The following CMSS1 variants were observed in gnomAD, a reference collection of about 807,000 sequenced individuals.
CMSS1 encodes protein CMSS1.
In CMSS1, 33 loss-of-function variants were observed where a neutral mutation model predicts 43.5. The observed-to-expected ratio is 0.76, with a 90% CI of 0.57 to 1.01. The LOEUF is 1.01. CMSS1 is among the 50% of genes least tolerant of loss of function. The probability of loss-of-function intolerance (pLI) is 0.00; values close to 1 mark genes in which losing one functional copy is unlikely to be tolerated. For synonymous variants in CMSS1, 115 were observed against 117.2 expected, an observed-to-expected ratio of 0.98 and a Z score of 0.12; for missense variants, 313 against 326.4, an observed-to-expected ratio of 0.96 and a Z score of 0.32.
intron 1 of CMSS1, among the ~76,000 whole-genome samples, chr3:99,990,848 A>G (rs1026415525): frequency 1.1e-4 from 16 of 152,212 alleles, no homozygotes; most frequent in Non-Finnish European, 2.4e-4. Context: ...ATTTCCCTTC[A>G]TATTTTCTCC....
At chr3:99,954,792 C>T (rs775284627) in intron 1 of CMSS1, among the ~76,000 whole-genome samples, 6 of 151,718 alleles carry the variant, frequency 4.0e-5, no homozygotes, top group Non-Finnish European at 7.4e-5. Flanking sequence ...CACCACTGCA[C>T]TCCAGCCTGA....
chr3:99,901,094 A>G (rs1706420285), intron 1 of CMSS1, among the ~76,000 whole-genome samples: 1 of 152,244 alleles, frequency 6.6e-6, no homozygotes, highest in South Asian at 2.1e-4. Context: ...ATTAAACTGT[A>G]TACAACATTC....
chr3:100,142,385 C>G (rs1171748975), intron 1 of CMSS1, among the ~76,000 whole-genome samples: 11 of 152,092 alleles, frequency 7.2e-5, no homozygotes, highest in Admixed American at 7.2e-4. Flanking sequence ...GAACTCTATA[C>G]ATAGTATTTA....
chr3:100,146,927 A>G (rs1390292053), intron 1 of CMSS1, 46 bp from the exon 2 acceptor site: 7 of 1,586,470 alleles, frequency 4.4e-6, no homozygotes, highest in Non-Finnish European at 6.0e-6. Flanking sequence ...TGCACTAGCA[A>G]TGAGAGAGAG....
In CMSS1 at chr3:99,903,868, G is replaced by A. The variant is rs112234003; in HGVS notation, c.64+85825G>A. The stretch of plus-strand genomic sequence containing the variant: ...AGAAATAAGAAATAATAGAGCTGTC[G>A]TCCCCTGCTGCTTCATTTAATGGTA... On this transcript the variant is annotated intron_variant, in intron 1 of 9. Coordinates refer to ENST00000421999, the MANE Select transcript of CMSS1 (RefSeq NM_032359.4). 2.0e-3 allele frequency among the ~76,000 whole-genome samples: 297 copies of A among 152,074 alleles called. 1 individual carries two copies. Among genetic ancestry groups the A allele is most frequent in the African/African-American group, 6.5e-3 (271 of 41,478 alleles).
chr3:99,905,539 G>A lies in CMSS1; in HGVS notation c.64+87496G>A, dbSNP rs943192126. ...TAATCATTATTTCTCCATTTTTCTC[G>A]TTTATTGAGGTATAATTTATTTTTA... On this transcript the variant is annotated intron_variant, in intron 1 of 9. Coordinates refer to ENST00000421999, the MANE Select transcript of CMSS1 (RefSeq NM_032359.4). 3.3e-5 allele frequency among the ~76,000 whole-genome samples: 5 copies of A among 151,954 alleles called. 1 individual carries two copies. Among genetic ancestry groups the A allele is most frequent in the African/African-American group, 9.7e-5 (4 of 41,354 alleles).
intron 9 of CMSS1, among the ~76,000 whole-genome samples, chr3:100,177,828 A>G (rs1343156957): frequency 6.6e-6 from 1 of 152,146 alleles, no homozygotes. Flanking sequence ...CAAAACAATA[A>G]TAATAATAGG....
intron 1 of CMSS1, among the ~76,000 whole-genome samples, chr3:100,022,520 A>G (rs1287927706): frequency 6.6e-6 from 1 of 152,186 alleles, no homozygotes; most frequent in Non-Finnish European, 1.5e-5. Flanking sequence ...CATATATCTT[A>G]TATTGGACCT....
At chr3:100,000,239 G>A (rs904826058) in intron 1 of CMSS1, among the ~76,000 whole-genome samples, 2 of 152,064 alleles carry the variant, frequency 1.3e-5, no homozygotes, top group Admixed American at 6.5e-5. Flanking sequence ...AATATTGTCC[G>A]GTGACCTTGC....
At chr3:99,919,181 ATACTT>A (rs200851359) in intron 1 of CMSS1, among the ~76,000 whole-genome samples, 1 of 152,084 alleles carries the variant, frequency 6.6e-6, no homozygotes, top group African/African-American at 2.4e-5. Flanking sequence ...CTCTAGTAAA[ATACTT>A]TAGTTTAATG....
chr3:100,068,237 G>A (rs142456980), intron 1 of CMSS1, among the ~76,000 whole-genome samples: 231 of 152,260 alleles, frequency 1.5e-3, no homozygotes, highest in Non-Finnish European at 2.7e-3. Flanking sequence ...GAATTAGGAC[G>A]TGCACTTGCA....
chr3:100,062,787 G>T (rs930456321), intron 1 of CMSS1, among the ~76,000 whole-genome samples: 2 of 152,100 alleles, frequency 1.3e-5, no homozygotes, highest in African/African-American at 4.8e-5. Context: ...CTCAGCATTC[G>T]CCCTACACCT....
chr3:99,890,521 C>G (rs1363889584), intron 1 of CMSS1, among the ~76,000 whole-genome samples: 3 of 152,056 alleles, frequency 2.0e-5, no homozygotes, highest in Non-Finnish European at 4.4e-5. Flanking sequence ...ATCTTCACAT[C>G]CCTTAACTAC....
intron 1 of CMSS1, among the ~76,000 whole-genome samples, chr3:100,053,504 C>G (rs1027945478): frequency 6.6e-6 from 1 of 152,198 alleles, no homozygotes; most frequent in Non-Finnish European, 1.5e-5. Context: ...CATGAGGACA[C>G]CAGTCACTGG....
intron 1 of CMSS1, among the ~76,000 whole-genome samples, chr3:99,938,050 A>AGTGTGTGT (rs71625545): frequency 4.1e-4 from 61 of 149,002 alleles, no homozygotes; most frequent in African/African-American, 1.2e-3. Flanking sequence ...AGGCTCAGGA[A>AGTGTGTGT]GTGTGTGTGT....
chr3:100,007,992 G>C (rs1710037395), intron 1 of CMSS1, among the ~76,000 whole-genome samples: 1 of 152,076 alleles, frequency 6.6e-6, no homozygotes, highest in Non-Finnish European at 1.5e-5. Context: ...GGAATTATAG[G>C]TTATGGTTGT....
intron 1 of CMSS1, among the ~76,000 whole-genome samples, chr3:100,060,122 A>G (rs1436553541): frequency 1.3e-5 from 2 of 152,182 alleles, no homozygotes; most frequent in Non-Finnish European, 2.9e-5. Flanking sequence ...GATTTGAGGA[A>G]ACTGGAGGTG....
chr3:99,851,563 G>T (rs559844394), intron 1 of CMSS1, among the ~76,000 whole-genome samples: 42 of 152,194 alleles, frequency 2.8e-4, no homozygotes, highest in Non-Finnish European at 4.4e-4. Flanking sequence ...ATTAAATGCG[G>T]TAATTCATCT....
At chr3:99,900,318 AC>A (rs1706394549) in intron 1 of CMSS1, among the ~76,000 whole-genome samples, 1 of 152,150 alleles carries the variant, frequency 6.6e-6, no homozygotes, top group Non-Finnish European at 1.5e-5. Context: ...ATAACAACTA[AC>A]ACATACCTGG....
Sources: gnomAD v4.1 joint callset for allele counts (sites outside exome capture counted in the v4.1 genomes callset) on GRCh38, gnomAD v4.1.1 for gene constraint, MANE v1.5 for transcripts, NCBI Gene and HGNC (gene_info 2026-07-23, HGNC 2026-07-21) for gene names.